JPH3: variants seen among roughly 807,000 people sequenced by gnomAD.
JPH3 encodes the protein junctophilin-3.
A neutral mutation model predicts 59.6 loss-of-function variants in JPH3; 11 were observed. The observed-to-expected ratio is 0.18, with a 90% CI of 0.12 to 0.31. The LOEUF is 0.31. JPH3 is among the 10% of genes least tolerant of loss of function. The probability of loss-of-function intolerance (pLI) is 1.00; values close to 1 mark genes in which losing one functional copy is unlikely to be tolerated. For synonymous variants in JPH3, 673 were observed against 483.6 expected, an observed-to-expected ratio of 1.39 and a Z score of -5.14; for missense variants, 1,202 against 1,105.7, an observed-to-expected ratio of 1.09 and a Z score of -1.24.
At chr16:87,677,510 G>A (rs2033182571) in intron 2 of JPH3, among the ~76,000 whole-genome samples, 2 of 152,224 alleles carry the variant, frequency 1.3e-5, no homozygotes, top group Non-Finnish European at 2.9e-5. Context: ...CTCATCCCAT[G>A]AATCTTTGCA....
intron 1 of JPH3, among the ~76,000 whole-genome samples, chr16:87,617,114 C>G (rs1011405892): frequency 1.4e-5 from 2 of 147,782 alleles, no homozygotes; most frequent in Non-Finnish European, 2.9e-5. Flanking sequence ...ATCACAGCTA[C>G]TCGGAGGCTG....
At chr16:87,657,243 T>G (rs1414105703) in intron 2 of JPH3, among the ~76,000 whole-genome samples, 1 of 152,142 alleles carries the variant, frequency 6.6e-6, no homozygotes, top group African/African-American at 2.4e-5. Flanking sequence ...AACAGTATCT[T>G]AAGGTCTGAC....
At position 87,689,949 on chromosome 16, in the gene JPH3, G is replaced by C. The variant is rs1597293652; in HGVS notation, c.1589G>C (p.Ser530Thr). 4.1e-6 allele frequency: 6 copies of C among 1,449,822 alleles called. No individual in the cohort carries two copies. In the East Asian group the frequency reaches 1.5e-4, roughly 36 times the overall value. The allele number at this position is 1,449,822 out of a possible 1,614,324, so 89.8% of individuals were successfully genotyped here. A position where few individuals can be genotyped will look rare whatever the true frequency, so the allele number is the denominator to read the frequency against. ...EGRAGDCARS[S>T]WGEEQAGGSR... The stretch of plus-strand genomic sequence containing the variant: ...CGGGCCGGGGACTGCGCCCGCAGCA[G>C]CTGGGGCGAGGAGCAGGCCGGGGGC... Residue 530 changes from serine (S) to threonine (T), a missense_variant, in exon 4 of 5, where the codon AGC (serine) becomes ACC (threonine). Coordinates refer to ENST00000284262, the MANE Select transcript of JPH3 (RefSeq NM_020655.4).
chr16:87,634,199 G>A (rs1024138439), intron 1 of JPH3, among the ~76,000 whole-genome samples: 12 of 152,296 alleles, frequency 7.9e-5, no homozygotes, highest in African/African-American at 2.6e-4. Context: ...TCACTGTCAC[G>A]TTGGACCTGT....
intron 1 of JPH3, among the ~76,000 whole-genome samples, chr16:87,627,933 C>T (rs2031437579): frequency 6.6e-6 from 1 of 152,238 alleles, no homozygotes; most frequent in African/African-American, 2.4e-5. Context: ...TCTGCCAGGC[C>T]AGCCTGTGGG....
intron 2 of JPH3, among the ~76,000 whole-genome samples, chr16:87,657,426 G>C (rs111362335): frequency 0.02 from 3,036 of 152,272 alleles, 97 homozygotes; most frequent in African/African-American, 0.069. Context: ...TTCTTCATGG[G>C]TGTAGGGTTT....
Position 87,671,513 on chromosome 16 carries a change from T to G in JPH3, c.1161-12629T>G, listed in dbSNP as rs576910289. 1.1e-4 allele frequency among the ~76,000 whole-genome samples: 16 copies of G among 152,316 alleles called. No individual in the cohort carries two copies. The South Asian group carries it at 3.3e-3, about 32-fold the overall frequency. Reference sequence around the variant, plus strand: ...GCTCCTATCCACCATGGTTGGGCACTGGCTGGGAAGAGAGGTGACCACCAG... The same window carrying G: ...GCTCCTATCCACCATGGTTGGGCACGGGCTGGGAAGAGAGGTGACCACCAG... On this transcript the variant is annotated intron_variant, in intron 2 of 4. Transcript: ENST00000284262.
At chr16:87,633,811 A>T (rs59724900) in intron 1 of JPH3, among the ~76,000 whole-genome samples, 11,672 of 152,056 alleles carry the variant, frequency 0.077, 1,328 homozygotes, top group African/African-American at 0.25. Flanking sequence ...AAATAAAAAA[A>T]ATCTGGTGTT....
chr16:87,669,595 G>A (rs965541688), intron 2 of JPH3, among the ~76,000 whole-genome samples: 6 of 152,206 alleles, frequency 3.9e-5, no homozygotes, highest in African/African-American at 1.4e-4. Flanking sequence ...GTGGCCCGCG[G>A]TGAGAGCTCC....
intron 1 of JPH3, among the ~76,000 whole-genome samples, chr16:87,641,460 C>G (rs1315647479): frequency 6.6e-6 from 1 of 152,132 alleles, no homozygotes; most frequent in Admixed American, 6.5e-5. Flanking sequence ...GTGTGGGATC[C>G]CAAACATCCT....
At chr16:87,648,930 C>T (rs1436097827) in intron 2 of JPH3, among the ~76,000 whole-genome samples, 2 of 152,220 alleles carry the variant, frequency 1.3e-5, no homozygotes, top group Non-Finnish European at 2.9e-5. Context: ...CTGGCCTGAG[C>T]GTCCCCGGCT....
chr16:87,649,384 C>T (rs796905652), intron 2 of JPH3, among the ~76,000 whole-genome samples: 37 of 152,346 alleles, frequency 2.4e-4, no homozygotes, highest in African/African-American at 5.8e-4. Context: ...CACCTTTGCA[C>T]GGCGCTGCCT....
chr16:87,648,323 C>G (rs1284752338), intron 2 of JPH3, among the ~76,000 whole-genome samples: 1 of 152,184 alleles, frequency 6.6e-6, no homozygotes, highest in Non-Finnish European at 1.5e-5. Flanking sequence ...CAGGCGCCCA[C>G]AGCCCCAGGG....
Position 87,689,654 on chromosome 16 carries a change from T to C in JPH3, c.1294T>C (p.Tyr432His). ...CTTGTGTCCCCATACAGGGCTGGAG[T>C]ACCAGAGGCCGAAGCGTCAGACCTC... Reference protein sequence around the residue: ...SFQHRENGLEYQRPKRQTSCD... With the variant: ...SFQHRENGLEHQRPKRQTSCD... The change falls in exon 4 of 5, where the codon TAC becomes CAC. Residue 432 changes from tyrosine (Y) to histidine (H), a missense_variant. Transcript: ENST00000284262. 6.2e-7 allele frequency: 1 copy of C among 1,611,508 alleles called. No homozygotes were observed. Among genetic ancestry groups the C allele is most frequent in the Non-Finnish European group, 8.5e-7 (1 of 1,179,396 alleles).
chr16:87,657,594 A>G lies in JPH3; in HGVS notation c.1160+12559A>G, dbSNP rs560512038. On this transcript the variant is annotated intron_variant, in intron 2 of 4. Transcript: ENST00000284262. ...ATATATAGAAAGGATGTTGTATTAA[A>G]CGAGAAAAACTCATTTCTCTCAAGT... is the stretch of plus-strand genomic sequence containing the variant. Among the ~76,000 whole-genome samples the G allele has an allele frequency of 2.5e-3, 379 of 152,324 alleles. 4 individuals are homozygous for G. The highest frequency in any genetic ancestry group is 8.8e-3 in the African/African-American group (366 of 41,562).
intron 1 of JPH3, among the ~76,000 whole-genome samples, chr16:87,628,238 T>C (rs997204236): frequency 2.6e-5 from 4 of 152,232 alleles, no homozygotes; most frequent in African/African-American, 9.6e-5. Flanking sequence ...GAGACGATGG[T>C]GCTGGCATGG....
chr16:87,681,366 C>A (rs1438895158), intron 2 of JPH3, among the ~76,000 whole-genome samples: 2 of 141,418 alleles, frequency 1.4e-5, no homozygotes, highest in Non-Finnish European at 3.0e-5. Context: ...CAGGTGCGCG[C>A]GGTGGTGACA....
At chr16:87,640,306 C>T (rs957407290) in intron 1 of JPH3, among the ~76,000 whole-genome samples, 5 of 147,694 alleles carry the variant, frequency 3.4e-5, no homozygotes, top group African/African-American at 1.3e-4. Context: ...TCTAGCCTGG[C>T]GACAGAGCAA....
intron 3 of JPH3, among the ~76,000 whole-genome samples, chr16:87,689,209 G>T (rs554123420): frequency 6.8e-4 from 104 of 152,328 alleles, no homozygotes; most frequent in Non-Finnish European, 1.2e-3. Flanking sequence ...AGTCCCAGGC[G>T]GGTAGGGGTG....
Sources: allele counts gnomAD v4.1 joint callset (sites outside exome capture counted in the v4.1 genomes callset), GRCh38; gene constraint gnomAD v4.1.1; transcripts MANE v1.5; gene names NCBI Gene and HGNC (gene_info 2026-07-23, HGNC 2026-07-21).